The following CLEC19A variants were observed in gnomAD, a reference collection of about 807,000 sequenced individuals.
CLEC19A encodes the protein C-type lectin domain containing 19A.
CLEC19A carries 21 observed loss-of-function variants against 26.1 expected under a neutral mutation model. That is an observed-to-expected ratio of 0.80 (90% CI 0.57 to 1.16). The LOEUF (loss-of-function observed/expected upper bound fraction) is 1.16. Ranked by LOEUF, CLEC19A falls within the 50% of genes most tolerant of loss-of-function variation. CLEC19A has a pLI of 0.00. For synonymous variants in CLEC19A, 89 were observed against 88.6 expected (o/e 1.00, Z -0.03); for missense variants, 224 against 227.6 (o/e 0.98, Z 0.10).
intron 2 of CLEC19A, chr16:19,303,778 C>T (rs1181433166): frequency 5.7e-5 from 18 of 316,738 alleles, no homozygotes; most frequent in Admixed American, 4.3e-5. Context: ...ATCATATCTT[C>T]AATATAATCC....
chr16:19,300,435 C>G (rs1897795367), intron 2 of CLEC19A, among the ~76,000 whole-genome samples: 1 of 151,554 alleles, frequency 6.6e-6, no homozygotes, highest in Non-Finnish European at 1.5e-5. Flanking sequence ...GTAGTCCCAG[C>G]TACTCGGTAG....
intron 1 of CLEC19A, among the ~76,000 whole-genome samples, chr16:19,286,422 G>A (rs759823620): frequency 5.9e-5 from 9 of 152,176 alleles, no homozygotes; most frequent in Non-Finnish European, 8.8e-5. Context: ...GGTTAGGTGC[G>A]CAGGGAGGGA....
chr16:19,301,126 C>T (rs1254153373), intron 2 of CLEC19A, among the ~76,000 whole-genome samples: 2 of 152,182 alleles, frequency 1.3e-5, no homozygotes. Flanking sequence ...GAGATATATT[C>T]AATAAAAAGC....
intron 1 of CLEC19A, among the ~76,000 whole-genome samples, chr16:19,288,144 G>A (rs561975611): frequency 6.6e-6 from 1 of 152,168 alleles, no homozygotes; most frequent in South Asian, 2.1e-4. Context: ...GCCAACCATG[G>A]TCATCACTGT....
chr16:19,290,040 A>G (rs1364313006), intron 1 of CLEC19A, among the ~76,000 whole-genome samples: 1 of 151,670 alleles, frequency 6.6e-6, no homozygotes, highest in Non-Finnish European at 1.5e-5. Context: ...AGGAGGCAGC[A>G]GGGTAGTGCA....
intron 1 of CLEC19A, among the ~76,000 whole-genome samples, chr16:19,295,199 G>T (rs912020156): frequency 1.3e-5 from 2 of 151,692 alleles, no homozygotes; most frequent in East Asian, 3.9e-4. Flanking sequence ...GACTCTCAGG[G>T]TTTTGTTGTT....
chr16:19,297,593 A>G (rs1897732560), intron 1 of CLEC19A, among the ~76,000 whole-genome samples: 1 of 152,256 alleles, frequency 6.6e-6, no homozygotes, highest in Admixed American at 6.5e-5. Flanking sequence ...TCTAAAAATA[A>G]GAGAATGATT....
chr16:19,294,786 C>T (rs956714817), intron 1 of CLEC19A, among the ~76,000 whole-genome samples: 2 of 152,082 alleles, frequency 1.3e-5, no homozygotes, highest in African/African-American at 4.8e-5. Flanking sequence ...TCATTAGTTG[C>T]GGGGGCTGTG....
In CLEC19A at chr16:19,301,736, G is replaced by GTTTTTTTT. The variant is rs1171248968; in HGVS notation, c.255-2305_255-2298dup. On this transcript the variant is annotated intron_variant, in intron 2 of 4. Coordinates refer to ENST00000636231, the MANE Select transcript of CLEC19A (RefSeq NM_001256720.2). Reference sequence around the variant, plus strand: ...ATGACACCATGCCCAGGTTTTTTTGGTTTTTTTTTTTTTTTTTTTTTTTTT... The same window carrying GTTTTTTTT: ...ATGACACCATGCCCAGGTTTTTTTGGTTTTTTTTTTTTTTTTTTTTTTTTTTTTTTTTT... 3.5e-3 allele frequency among the ~76,000 whole-genome samples: 286 copies of GTTTTTTTT among 81,452 alleles called. 11 individuals carry two copies. Among genetic ancestry groups the GTTTTTTTT allele is most frequent in the Non-Finnish European group, 4.1e-3 (176 of 43,214 alleles). The allele number at this position is 81,452 out of a possible 152,430, so 53.4% of individuals were successfully genotyped here. A position where few individuals can be genotyped will look rare whatever the true frequency, so the allele number is the denominator to read the frequency against.
At chr16:19,290,968 A>G (rs1434445455) in intron 1 of CLEC19A, among the ~76,000 whole-genome samples, 1 of 152,094 alleles carries the variant, frequency 6.6e-6, no homozygotes, top group Admixed American at 6.6e-5. Context: ...TCTCTTGAGT[A>G]GCTGGGACTA....
chr16:19,302,075 G>C (rs557950116), intron 2 of CLEC19A, among the ~76,000 whole-genome samples: 1 of 152,136 alleles, frequency 6.6e-6, no homozygotes, highest in African/African-American at 2.4e-5. Context: ...ATCTTTCTGA[G>C]AGTGAGCAAG....
intron 2 of CLEC19A, among the ~76,000 whole-genome samples, chr16:19,301,735 G>GTTTTTTTTTTTTTTTTTTTTTTT (rs750529291): frequency 8.5e-5 from 3 of 35,124 alleles, no homozygotes; most frequent in African/African-American, 2.7e-4. Flanking sequence ...AGGTTTTTTT[G>GTTTTTTTTTTTTTTTTTTTTTTT]GTTTTTTTTT....
chr16:19,298,067 A>G lies in CLEC19A; in HGVS notation c.89-606A>G, dbSNP rs189414649. 1.8e-3 allele frequency among the ~76,000 whole-genome samples: 271 copies of G among 152,074 alleles called. 3 individuals are homozygous for G. The East Asian group carries it at 0.027, about 15-fold the overall frequency. ...AGACTTTGAGAGCAGCCTGACCAACATGGAGAAACCCCGTCTCTACTAAAA... is the reference window on the plus strand; with the variant it reads ...AGACTTTGAGAGCAGCCTGACCAACGTGGAGAAACCCCGTCTCTACTAAAA... On this transcript the variant is annotated intron_variant, in intron 1 of 4. Coordinates refer to ENST00000636231, the MANE Select transcript of CLEC19A (RefSeq NM_001256720.2).
chr16:19,290,082 C>A (rs932988170), intron 1 of CLEC19A, among the ~76,000 whole-genome samples: 3 of 151,936 alleles, frequency 2.0e-5, no homozygotes, highest in African/African-American at 7.3e-5. Flanking sequence ...GCCAGGGGAG[C>A]CAGCAGCCAG....
At chr16:19,299,187 G>A (rs2143009984) in intron 2 of CLEC19A, among the ~76,000 whole-genome samples, 2 of 152,324 alleles carry the variant, frequency 1.3e-5, no homozygotes, top group South Asian at 4.1e-4. Context: ...CTTTATAAGT[G>A]CCAGTCTTGT....
At position 19,310,699 on chromosome 16, in the gene CLEC19A, T is replaced by C. The variant is rs1898052390; in HGVS notation, c.*1616T>C. 2 of 152,230 alleles carry C rather than the reference T, an allele frequency of 1.3e-5. No homozygotes were observed. The highest frequency in any genetic ancestry group is 2.9e-5 in the Non-Finnish European group (2 of 68,050). The allele number at this position is 152,230 out of a possible 1,614,324, so 9.4% of individuals were successfully genotyped here. ...TCCAGTCACAAAAGACCACATGTTGTATGATTCCATATATATGAAATATCC... is the reference window on the plus strand; with the variant it reads ...TCCAGTCACAAAAGACCACATGTTGCATGATTCCATATATATGAAATATCC... On this transcript the variant is annotated 3_prime_UTR_variant, in exon 5 of 5. Transcript: ENST00000636231.
intron 2 of CLEC19A, among the ~76,000 whole-genome samples, chr16:19,300,925 T>C (rs1388595808): frequency 2.0e-5 from 3 of 152,072 alleles, no homozygotes; most frequent in East Asian, 3.9e-4. Context: ...TACTCTGGTT[T>C]CTCCCTCCTA....
intron 1 of CLEC19A, among the ~76,000 whole-genome samples, chr16:19,298,288 CG>C (rs1897747808): frequency 6.7e-6 from 1 of 150,186 alleles, no homozygotes; most frequent in African/African-American, 2.4e-5. Flanking sequence ...CGGTGGCTCA[CG>C]CCTGCAATCC....
At chr16:19,301,735 GGTTTTTTTTTTTTTTTTTTTT>G (rs1194317449) in intron 2 of CLEC19A, among the ~76,000 whole-genome samples, 1 of 35,126 alleles carries the variant, frequency 2.8e-5, no homozygotes, top group East Asian at 5.4e-4. Flanking sequence ...AGGTTTTTTT[GGTTTTTTTTTTTTTTTTTTTT>G]TTTTTTTTGT....
Sources: allele counts gnomAD v4.1 joint callset (sites outside exome capture counted in the v4.1 genomes callset), GRCh38; gene constraint gnomAD v4.1.1; transcripts MANE v1.5; gene names NCBI Gene and HGNC (gene_info 2026-07-23, HGNC 2026-07-21).